The following RSU1 variants were observed in gnomAD, a reference collection of about 807,000 sequenced individuals.
The protein encoded by RSU1 is rsu-1.
Under a neutral mutation model 31.1 loss-of-function variants are expected in RSU1, and 26 were observed. That is an observed-to-expected ratio of 0.84 (90% CI 0.61 to 1.16). The LOEUF (loss-of-function observed/expected upper bound fraction) is 1.16, where lower values mean the gene tolerates loss of function less well. RSU1 is among the 50% of genes most tolerant of loss of function. The pLI is 0.00. For synonymous variants in RSU1, 164 were observed against 136.3 expected (o/e 1.20, Z -1.41); for missense variants, 320 against 339.1 (o/e 0.94, Z 0.44).
chr10:16,625,480 G>A lies in RSU1; in HGVS notation c.732-31984C>T, dbSNP rs1281226593. Among the ~76,000 whole-genome samples the A allele has an allele frequency of 7.2e-5, 11 of 152,226 alleles. No individual in the cohort carries two copies. In the East Asian group the frequency reaches 1.4e-3, roughly 19 times the overall value. On this transcript the variant is annotated intron_variant, in intron 8 of 8. Transcript: ENST00000345264. ...CAAAGCGGTGTTCCTGTGACGGCAG[G>A]GTCCCCAGTGCGTTCTGATCGGGAA...
intron 8 of RSU1, among the ~76,000 whole-genome samples, chr10:16,648,459 C>T (rs1022488480): frequency 3.9e-5 from 6 of 152,002 alleles, no homozygotes; most frequent in Admixed American, 6.6e-5. Context: ...ACATTGCCTA[C>T]GAAGATAGGT....
chr10:16,789,389 G>A (rs1588536926), intron 2 of RSU1, among the ~76,000 whole-genome samples: 1 of 152,122 alleles, frequency 6.6e-6, no homozygotes, highest in Admixed American at 6.5e-5. Context: ...AAAATATTTA[G>A]GGCAACAAAG....
intron 8 of RSU1, among the ~76,000 whole-genome samples, chr10:16,653,133 C>A (rs894644712): frequency 2.0e-5 from 3 of 152,118 alleles, no homozygotes; most frequent in Non-Finnish European, 2.9e-5. Context: ...TCCAAAGGCT[C>A]TAACAGTGCT....
At chr10:16,808,941 G>A (rs986973213) in intron 2 of RSU1, among the ~76,000 whole-genome samples, 8 of 152,172 alleles carry the variant, frequency 5.3e-5, no homozygotes, top group Non-Finnish European at 1.2e-4. Context: ...ACGGCCACCT[G>A]CAAGCCCAGG....
At chr10:16,730,650 T>A (rs1293844628) in intron 7 of RSU1, among the ~76,000 whole-genome samples, 1 of 152,178 alleles carries the variant, frequency 6.6e-6, no homozygotes, top group Non-Finnish European at 1.5e-5. Context: ...AAAGGTTACT[T>A]GATATAATCT....
At chr10:16,668,139 T>C (rs1294107108) in intron 8 of RSU1, among the ~76,000 whole-genome samples, 1 of 152,194 alleles carries the variant, frequency 6.6e-6, no homozygotes, top group Admixed American at 6.5e-5. Context: ...CCCCTGTATT[T>C]CAGCTTCTCC....
chr10:16,746,052 A>C (rs578240140), intron 7 of RSU1, among the ~76,000 whole-genome samples: 18 of 152,228 alleles, frequency 1.2e-4, no homozygotes, highest in Admixed American at 2.6e-4. Context: ...AGATATAACA[A>C]GAGATTTTTG....
At chr10:16,751,499 T>C (rs1836980283) in intron 7 of RSU1, among the ~76,000 whole-genome samples, 1 of 152,240 alleles carries the variant, frequency 6.6e-6, no homozygotes, top group Admixed American at 6.5e-5. Flanking sequence ...AGTCTTCCTA[T>C]GCGTAACCAT....
At chr10:16,718,874 G>C in intron 7 of RSU1, among the ~76,000 whole-genome samples, 1 of 151,328 alleles carries the variant, frequency 6.6e-6, no homozygotes, top group Non-Finnish European at 1.5e-5. Flanking sequence ...CCAGCTACTC[G>C]AAAGGCTGGG....
intron 8 of RSU1, among the ~76,000 whole-genome samples, chr10:16,606,468 G>GA (rs142794465): frequency 0.018 from 2,715 of 151,686 alleles, 53 homozygotes; most frequent in African/African-American, 0.048. Flanking sequence ...CCCTTTGTTG[G>GA]AAAAAAAATC....
intron 2 of RSU1, among the ~76,000 whole-genome samples, chr10:16,804,475 G>T (rs569052694): frequency 1.3e-5 from 2 of 152,304 alleles, no homozygotes; most frequent in Non-Finnish European, 2.9e-5. Flanking sequence ...TATTCGCCCA[G>T]ATGTGCTGAA....
intron 8 of RSU1, among the ~76,000 whole-genome samples, chr10:16,663,152 C>T (rs1004709850): frequency 7.9e-5 from 12 of 152,180 alleles, no homozygotes; most frequent in South Asian, 2.1e-4. Flanking sequence ...GATCTGTATG[C>T]GCCATGAGAG....
At chr10:16,771,294 T>C (rs1180287923) in intron 3 of RSU1, among the ~76,000 whole-genome samples, 1 of 152,128 alleles carries the variant, frequency 6.6e-6, no homozygotes, top group African/African-American at 2.4e-5. Context: ...ATGAATATGA[T>C]AGTGAAAAAC....
Position 16,591,221 on chromosome 10 carries a change from C to A in RSU1, c.*2173G>T, listed in dbSNP as rs1344460491. The A allele has an allele frequency of 6.6e-6, 1 of 152,188 alleles. No homozygotes were observed. 9.4% of individuals were successfully genotyped at this position (152,188 alleles called of 1,614,324 possible). On this transcript the variant is annotated 3_prime_UTR_variant, in exon 9 of 9. Transcript: ENST00000345264. Reference sequence around the variant, plus strand: ...GCCACTGTGCCTGGCCGTTGTTCAACAATTTTTAATGTCATAAAAGCCTCA... The same window carrying A: ...GCCACTGTGCCTGGCCGTTGTTCAAAAATTTTTAATGTCATAAAAGCCTCA...
chr10:16,817,233 A>G, intron 1 of RSU1, 82 bp downstream of exon 1: 2 of 396,092 alleles, frequency 5.0e-6, no homozygotes, highest in Admixed American at 4.6e-5. Flanking sequence ...GGGTGCGGGG[A>G]GGGGATGGAG....
chr10:16,681,174 C>T (rs140347727), intron 8 of RSU1, among the ~76,000 whole-genome samples: 25 of 152,286 alleles, frequency 1.6e-4, no homozygotes, highest in East Asian at 1.2e-3. Flanking sequence ...GTAAATATAA[C>T]GCACAACTGA....
chr10:16,740,500 A>C (rs1836728253), intron 7 of RSU1, among the ~76,000 whole-genome samples: 1 of 152,194 alleles, frequency 6.6e-6, no homozygotes, highest in Non-Finnish European at 1.5e-5. Context: ...AGCCAAAGTA[A>C]TTGCCAAGAA....
chr10:16,738,400 G>A (rs774736544), intron 7 of RSU1, among the ~76,000 whole-genome samples: 6 of 152,144 alleles, frequency 3.9e-5, no homozygotes, highest in Admixed American at 6.5e-5. Context: ...GCAGTGAGCC[G>A]AGATAGCGCC....
At chr10:16,743,004 T>C (rs1053068270) in intron 7 of RSU1, among the ~76,000 whole-genome samples, 5 of 152,358 alleles carry the variant, frequency 3.3e-5, no homozygotes, top group African/African-American at 1.2e-4. Context: ...GGAGTCATTT[T>C]TGATTATCAG....
Sources: allele counts gnomAD v4.1 joint callset (sites outside exome capture counted in the v4.1 genomes callset), GRCh38; gene constraint gnomAD v4.1.1; transcripts MANE v1.5; gene names NCBI Gene and HGNC (gene_info 2026-07-23, HGNC 2026-07-21).